The following ZRANB3 variants were observed in gnomAD, a reference collection of about 807,000 sequenced individuals.
ZRANB3 encodes zinc finger RANBP2-type containing 3, also known as DNA annealing helicase and endonuclease ZRANB3.
Under a neutral mutation model 133.8 loss-of-function variants are expected in ZRANB3, and 125 were observed. The ratio of observed to expected loss-of-function variants is 0.93; its 90% CI spans 0.81 to 1.08. The LOEUF is 1.08. Ranked by LOEUF, ZRANB3 falls within the 50% of genes least tolerant of loss-of-function variation. The pLI is 0.00. For missense variants in ZRANB3, 1,229 were observed against 1,275.5 expected, an observed-to-expected ratio of 0.96 and a Z score of 0.56; for synonymous variants, 387 against 432.7, an observed-to-expected ratio of 0.89 and a Z score of 1.31.
intron 4 of ZRANB3, 47 bp from the exon 5 acceptor site, chr2:135,350,262 TTATCATGAA>T (rs1279413600): frequency 7.1e-7 from 1 of 1,401,222 alleles, no homozygotes; most frequent in East Asian, 2.5e-5. Context: ...AGTAATGACG[TTATCATGAA>T]CAATACAACT....
rs145747738 is a variant in ZRANB3 at position 135,260,218 on chromosome 2, C to A, written c.1539+5316G>T. The stretch of plus-strand genomic sequence containing the variant: ...AAGCCACTGTAGAGAAATCAAAACA[C>A]CTCAAAGCCAAAATAGTACTTAGAA... On this transcript the variant is annotated intron_variant, in intron 12 of 20. Transcript: ENST00000264159. Among the ~76,000 whole-genome samples, 53 of 152,280 alleles carry A rather than the reference C, an allele frequency of 3.5e-4. No homozygotes were observed. The East Asian group carries it at 8.5e-3, about 24-fold the overall frequency.
chr2:135,506,781 G>T (rs1209362106), intron 1 of ZRANB3, among the ~76,000 whole-genome samples: 1 of 152,176 alleles, frequency 6.6e-6, no homozygotes. Context: ...AACACCTGAA[G>T]GAGACAAAGA....
At chr2:135,443,597 C>CA (rs1689889003) in intron 2 of ZRANB3, among the ~76,000 whole-genome samples, 1 of 151,692 alleles carries the variant, frequency 6.6e-6, no homozygotes, top group Non-Finnish European at 1.5e-5. Flanking sequence ...AGAATGGAGT[C>CA]AAAGAGAAAC....
At chr2:135,460,704 T>G (rs769321194) in intron 2 of ZRANB3, among the ~76,000 whole-genome samples, 1 of 152,224 alleles carries the variant, frequency 6.6e-6, no homozygotes, top group East Asian at 1.9e-4. Flanking sequence ...CTTTAGTATC[T>G]AAGGCAATTT....
intron 3 of ZRANB3, among the ~76,000 whole-genome samples, chr2:135,386,772 C>T (rs1686998082): frequency 6.6e-6 from 1 of 152,082 alleles, no homozygotes; most frequent in Non-Finnish European, 1.5e-5. Context: ...TGTTCTCACT[C>T]TTAGGTGGGA....
rs1020390545 is a variant in ZRANB3 at position 135,443,305 on chromosome 2, A to T, written c.162-52485T>A. On this transcript the variant is annotated intron_variant, in intron 2 of 20. Coordinates refer to ENST00000264159, the MANE Select transcript of ZRANB3 (RefSeq NM_032143.4). Reference sequence around the variant, plus strand: ...AACCAAACACTGCATGTTCTCACTCATAAGTGGCAGTTGAACAATGAGAAT... The same window carrying T: ...AACCAAACACTGCATGTTCTCACTCTTAAGTGGCAGTTGAACAATGAGAAT... Among the ~76,000 whole-genome samples, 41 of 148,292 alleles carry T rather than the reference A, an allele frequency of 2.8e-4. 1 individual carries two copies. Among genetic ancestry groups the T allele is most frequent in the Non-Finnish European group, 5.4e-4 (36 of 67,046 alleles).
intron 2 of ZRANB3, among the ~76,000 whole-genome samples, chr2:135,428,201 G>A (rs1689173895): frequency 6.6e-6 from 1 of 152,122 alleles, no homozygotes; most frequent in South Asian, 2.1e-4. Context: ...CTAGCACTTT[G>A]CAAGTCAGAG....
chr2:135,222,716 A>T (rs1293294164), intron 15 of ZRANB3, among the ~76,000 whole-genome samples: 1 of 151,776 alleles, frequency 6.6e-6, no homozygotes, highest in Admixed American at 6.6e-5. Context: ...CTCACTAAAT[A>T]TTTTTTTGAC....
intron 8 of ZRANB3, among the ~76,000 whole-genome samples, chr2:135,289,319 G>A (rs1681561977): frequency 6.6e-6 from 1 of 152,068 alleles, no homozygotes; most frequent in African/African-American, 2.4e-5. Context: ...GTAGTGGCGT[G>A]ATCTCGGCTC....
At chr2:135,524,360 G>A (rs1242488392) in intron 1 of ZRANB3, among the ~76,000 whole-genome samples, 1 of 152,056 alleles carries the variant, frequency 6.6e-6, no homozygotes, top group African/African-American at 2.4e-5. Flanking sequence ...GGGATTACAG[G>A]CTTAAGCCAC....
At chr2:135,296,055 C>G (rs1205230567) in intron 8 of ZRANB3, among the ~76,000 whole-genome samples, 2 of 152,070 alleles carry the variant, frequency 1.3e-5, no homozygotes, top group Non-Finnish European at 2.9e-5. Flanking sequence ...AATTGTGTAT[C>G]TTGGAGTTGC....
intron 6 of ZRANB3, among the ~76,000 whole-genome samples, chr2:135,316,122 TGA>T (rs1683241035): frequency 6.6e-6 from 1 of 152,182 alleles, no homozygotes; most frequent in African/African-American, 2.4e-5. Flanking sequence ...AAAGAGAGAA[TGA>T]GAGGAGACAT....
At chr2:135,505,735 A>G (rs1693148869) in intron 1 of ZRANB3, among the ~76,000 whole-genome samples, 1 of 152,240 alleles carries the variant, frequency 6.6e-6, no homozygotes, top group Non-Finnish European at 1.5e-5. Context: ...ACTACATGCC[A>G]CAACCTAGAG....
intron 2 of ZRANB3, among the ~76,000 whole-genome samples, chr2:135,411,868 A>G (rs1029812702): frequency 6.6e-6 from 1 of 152,136 alleles, no homozygotes; most frequent in Non-Finnish European, 1.5e-5. Context: ...ATTACGCAAT[A>G]TACCTATGTA....
At chr2:135,430,094 T>C (rs1281198628) in intron 2 of ZRANB3, among the ~76,000 whole-genome samples, 1 of 152,034 alleles carries the variant, frequency 6.6e-6, no homozygotes, top group East Asian at 1.9e-4. Flanking sequence ...GAGGATCACT[T>C]GAGCCCAGGA....
At position 135,482,092 on chromosome 2, in the gene ZRANB3, G is replaced by A. The variant is rs202212821; in HGVS notation, c.161+22237C>T. ...TCTTTTGGCTTAGGATTGACTTGGC[G>A]ATGCGGGCTCTTTTTTGGTTCCATA... On this transcript the variant is annotated intron_variant, in intron 2 of 20. Coordinates refer to ENST00000264159, the MANE Select transcript of ZRANB3 (RefSeq NM_032143.4). Among the ~76,000 whole-genome samples, 65 of 135,484 alleles carry A rather than the reference G, an allele frequency of 4.8e-4. 2 individuals are homozygous for A. The highest frequency in any genetic ancestry group is 1.5e-3 in the Admixed American group (21 of 13,610). 88.9% of individuals were successfully genotyped at this position (135,484 alleles called of 152,430 possible).
Position 135,234,354 on chromosome 2 carries a change from A to C in ZRANB3, c.1540-3427T>G, listed in dbSNP as rs538733869. Among the ~76,000 whole-genome samples, 33 of 152,206 alleles carry C rather than the reference A, an allele frequency of 2.2e-4. No homozygotes were observed. The South Asian group carries it at 5.8e-3, about 27-fold the overall frequency. Reference sequence around the variant, plus strand: ...CCACACAATAATAATCAGAGACTTTAACACCCCACTGTCAACACTAGACAG... The same window carrying C: ...CCACACAATAATAATCAGAGACTTTCACACCCCACTGTCAACACTAGACAG... On this transcript the variant is annotated intron_variant, in intron 12 of 20. Transcript: ENST00000264159.
intron 8 of ZRANB3, among the ~76,000 whole-genome samples, chr2:135,312,524 TATG>T (rs1315303640): frequency 2.0e-5 from 3 of 152,154 alleles, no homozygotes; most frequent in African/African-American, 7.2e-5. Flanking sequence ...ACCACAAATA[TATG>T]ATAAGTTTAC....
At chr2:135,306,475 G>A (rs1302773463) in intron 8 of ZRANB3, among the ~76,000 whole-genome samples, 1 of 149,924 alleles carries the variant, frequency 6.7e-6, no homozygotes, top group Non-Finnish European at 1.5e-5. Flanking sequence ...TGTATTTTTA[G>A]TGGAGACAGG....
Sources: gnomAD v4.1 joint callset for allele counts (sites outside exome capture counted in the v4.1 genomes callset) on GRCh38, gnomAD v4.1.1 for gene constraint, MANE v1.5 for transcripts, NCBI Gene and HGNC (gene_info 2026-07-23, HGNC 2026-07-21) for gene names.